PTPRD: variants seen among roughly 807,000 people sequenced by gnomAD.
The protein encoded by PTPRD is receptor-type tyrosine-protein phosphatase delta.
In PTPRD, 34 loss-of-function variants were observed where a neutral mutation model predicts 214.5. That is an observed-to-expected ratio of 0.16 (90% CI 0.12 to 0.21). The LOEUF (loss-of-function observed/expected upper bound fraction) is 0.21, where lower values mean the gene tolerates loss of function less well. PTPRD is among the 10% of genes least tolerant of loss of function. The pLI is 1.00. For missense variants in PTPRD, 2,545 were observed against 2,398.7 expected (o/e 1.06, Z -1.27); for synonymous variants, 1,128 against 845.7 (o/e 1.33, Z -5.79).
chr9:8,477,139 T>C (rs1363161201), intron 30 of PTPRD, among the ~76,000 whole-genome samples: 2 of 151,832 alleles, frequency 1.3e-5, no homozygotes, highest in East Asian at 1.9e-4. Flanking sequence ...AAAAAATAAA[T>C]TGCTTTTGGA....
At chr9:9,981,663 G>A (rs979303582) in intron 4 of PTPRD, among the ~76,000 whole-genome samples, 7 of 151,940 alleles carry the variant, frequency 4.6e-5, no homozygotes, top group African/African-American at 1.4e-4. Context: ...TCTGGCCAAC[G>A]ATTCTACATT....
rs368235408 is a variant in PTPRD at position 8,486,237 on chromosome 9, A to G, written c.2580T>C (p.Phe860=). The G allele has an allele frequency of 3.7e-6, 6 of 1,614,092 alleles. No homozygotes were observed. In the African/African-American group the frequency reaches 6.7e-5, roughly 18 times the overall value. Residue 860 remains phenylalanine (F), a synonymous_variant, in exon 28 of 46, where the codon TTT becomes TTC. Coordinates refer to ENST00000381196, the MANE Select transcript of PTPRD (RefSeq NM_002839.4). Reference sequence around the variant, plus strand: ...TAAGTGGCTCCATATCCTTGCGGCCAAATTTTAGACGGTAGCCCTGAAGAG... The same window carrying G: ...TAAGTGGCTCCATATCCTTGCGGCCGAATTTTAGACGGTAGCCCTGAAGAG... ...FGPLQGYRLK[F]GRKDMEPLTT...
At chr9:10,466,977 T>C (rs561974627) in intron 2 of PTPRD, among the ~76,000 whole-genome samples, 5 of 152,322 alleles carry the variant, frequency 3.3e-5, no homozygotes, top group Middle Eastern at 3.4e-3. Flanking sequence ...GAAACTATGA[T>C]AGCAAATACT....
At chr9:8,827,552 A>G (rs2097201098) in intron 11 of PTPRD, among the ~76,000 whole-genome samples, 1 of 152,172 alleles carries the variant, frequency 6.6e-6, no homozygotes, top group Non-Finnish European at 1.5e-5. Flanking sequence ...GGCTGCAGTG[A>G]GCCAAGATTG....
intron 3 of PTPRD, among the ~76,000 whole-genome samples, chr9:10,058,617 T>C (rs2097701963): frequency 6.6e-6 from 1 of 152,062 alleles, no homozygotes; most frequent in Non-Finnish European, 1.5e-5. Context: ...AAGGTGGTAG[T>C]GTTTGATGCA....
chr9:9,861,697 A>C (rs1190346489), intron 5 of PTPRD, among the ~76,000 whole-genome samples: 1 of 152,252 alleles, frequency 6.6e-6, no homozygotes, highest in East Asian at 1.9e-4. Context: ...CTTTGCAGAA[A>C]AATCAGAAAT....
chr9:9,290,471 T>C (rs1183813150), intron 9 of PTPRD, among the ~76,000 whole-genome samples: 1 of 151,592 alleles, frequency 6.6e-6, no homozygotes, highest in African/African-American at 2.4e-5. Flanking sequence ...TATAGTCACT[T>C]GTTGATTTTT....
intron 14 of PTPRD, among the ~76,000 whole-genome samples, chr9:8,545,341 A>G (rs992415274): frequency 1.5e-4 from 23 of 152,214 alleles, no homozygotes; most frequent in African/African-American, 5.5e-4. Context: ...AACCTGTAAC[A>G]GAGTTAATCG....
intron 14 of PTPRD, among the ~76,000 whole-genome samples, chr9:8,599,682 G>A (rs898944617): frequency 2.1e-5 from 3 of 140,324 alleles, no homozygotes; most frequent in South Asian, 2.3e-4. Context: ...GGAGTGCAAC[G>A]GCGCGATCAC....
chr9:9,761,414 G>A (rs1009402344), intron 6 of PTPRD, among the ~76,000 whole-genome samples: 7 of 152,118 alleles, frequency 4.6e-5, no homozygotes, highest in African/African-American at 1.7e-4. Context: ...AGGGAGGTGA[G>A]TGTAGTTATA....
intron 4 of PTPRD, among the ~76,000 whole-genome samples, chr9:9,977,940 AG>A (rs2095414873): frequency 6.6e-6 from 1 of 151,902 alleles, no homozygotes; most frequent in Admixed American, 6.6e-5. Flanking sequence ...GAAAAAAAAA[AG>A]TTATGTGCTT....
At chr9:9,663,175 G>A (rs957920171) in intron 7 of PTPRD, among the ~76,000 whole-genome samples, 1 of 151,264 alleles carries the variant, frequency 6.6e-6, no homozygotes, top group Admixed American at 6.6e-5. Context: ...AAAATTAAAT[G>A]TCAGAATAGG....
chr9:8,956,412 G>A (rs1380785723), intron 11 of PTPRD, among the ~76,000 whole-genome samples: 1 of 151,730 alleles, frequency 6.6e-6, no homozygotes. Flanking sequence ...CTTTTTTCCT[G>A]TAAACAAATG....
At chr9:8,658,708 T>A (rs1041819869) in intron 12 of PTPRD, among the ~76,000 whole-genome samples, 11 of 149,854 alleles carry the variant, frequency 7.3e-5, no homozygotes, top group Admixed American at 3.3e-4. Flanking sequence ...AAGTCAGAAA[T>A]TCTCCTTTTT....
intron 11 of PTPRD, among the ~76,000 whole-genome samples, chr9:8,829,270 C>G (rs1243746996): frequency 6.6e-6 from 1 of 152,142 alleles, no homozygotes; most frequent in Non-Finnish European, 1.5e-5. Context: ...ATCCAGTCAT[C>G]CTCCTCTTCC....
intron 7 of PTPRD, among the ~76,000 whole-genome samples, chr9:9,639,371 C>T (rs2095866384): frequency 6.6e-6 from 1 of 152,146 alleles, no homozygotes; most frequent in Non-Finnish European, 1.5e-5. Flanking sequence ...TTCTGAAAAA[C>T]TCCTTGGGAT....
intron 3 of PTPRD, among the ~76,000 whole-genome samples, chr9:10,087,146 T>G (rs1590784830): frequency 6.6e-6 from 1 of 151,578 alleles, no homozygotes; most frequent in East Asian, 1.9e-4. Flanking sequence ...AGTTTTTTTT[T>G]TTTTAGAAAC....
chr9:8,423,263 T>C (rs961653534), intron 35 of PTPRD, among the ~76,000 whole-genome samples: 1 of 152,198 alleles, frequency 6.6e-6, no homozygotes, highest in Non-Finnish European at 1.5e-5. Flanking sequence ...CCTGACATAC[T>C]GTTCATTTTA....
chr9:8,443,009 G>C (rs1216757488), intron 34 of PTPRD, among the ~76,000 whole-genome samples: 2 of 152,192 alleles, frequency 1.3e-5, no homozygotes, highest in African/African-American at 4.8e-5. Context: ...ACCGGGCATT[G>C]TGGCACATGC....
Sources: allele counts gnomAD v4.1 joint callset (sites outside exome capture counted in the v4.1 genomes callset), GRCh38; gene constraint gnomAD v4.1.1; transcripts MANE v1.5; gene names NCBI Gene and HGNC (gene_info 2026-07-23, HGNC 2026-07-21).